MICAL2: variants seen among roughly 807,000 people sequenced by gnomAD.
MICAL2 encodes [F-actin]-monooxygenase MICAL2.
Under a neutral mutation model 127.3 loss-of-function variants are expected in MICAL2, and 77 were observed. The observed-to-expected ratio is 0.60, with a 90% CI of 0.50 to 0.73. The LOEUF is 0.73. Ranked by LOEUF, MICAL2 falls within the 30% of genes least tolerant of loss-of-function variation. The probability of loss-of-function intolerance (pLI) is 0.00; values close to 1 mark genes in which losing one functional copy is unlikely to be tolerated. For missense variants in MICAL2, 1,351 were observed against 1,434.4 expected (o/e 0.94, Z 0.94); for synonymous variants, 570 against 551.1 (o/e 1.03, Z -0.48).
rs1305237053 is a variant in MICAL2, at chr11:12,162,209, C to A, written c.54C>A (p.Asn18Lys). The stretch of plus-strand genomic sequence containing the variant: ...CCCAGGCGGGGCAGGTTTTTGAGAA[C>A]TTTGTCCAGGCATCCACGTGCAAAG... ...KQAQAGQVFENFVQASTCKGT... is the reference protein window; with the variant it reads ...KQAQAGQVFEKFVQASTCKGT... The change falls in exon 3 of 28, where the codon AAC becomes AAA. Residue 18 changes from asparagine (N) to lysine (K), a missense_variant. By Grantham distance (94) the Asn-to-Lys change is moderately conservative. This residue lies in a region of MICAL2 where 599 missense variants were observed against 714.9 expected (regional missense o/e 0.84). Transcript: ENST00000683283. 1 of 1,614,084 alleles carries A rather than the reference C, an allele frequency of 6.2e-7. No homozygotes were observed. The highest frequency in any genetic ancestry group is 8.5e-7 in the Non-Finnish European group (1 of 1,180,054).
At chr11:12,172,718 G>T (rs1416763879) in intron 3 of MICAL2, among the ~76,000 whole-genome samples, 1 of 152,078 alleles carries the variant, frequency 6.6e-6, no homozygotes, top group South Asian at 2.1e-4. Context: ...ACTGAGAGAG[G>T]CTCCTATTAA....
At chr11:12,260,632 T>G in intron 26 of MICAL2, 1 of 987,030 alleles carries the variant, frequency 1.0e-6, no homozygotes, top group East Asian at 1.1e-4. Context: ...GCCTTTTGAC[T>G]TAGGTACCCA....
At chr11:12,259,423 A>G (rs1288617202) in intron 25 of MICAL2, among the ~76,000 whole-genome samples, 1 of 152,242 alleles carries the variant, frequency 6.6e-6, no homozygotes, top group Non-Finnish European at 1.5e-5. Flanking sequence ...TCAATAATTT[A>G]CTTCACCACT....
At chr11:12,270,903 G>A (rs1863667042) in intron 24 of MICAL2, among the ~76,000 whole-genome samples, 1 of 152,212 alleles carries the variant, frequency 6.6e-6, no homozygotes, top group Non-Finnish European at 1.5e-5. Flanking sequence ...TCAGACTTGA[G>A]TAGAAAGCAG....
At chr11:12,281,200 T>G in intron 2 of MICAL2, 1 of 398,066 alleles carries the variant, frequency 2.5e-6, no homozygotes, top group East Asian at 3.6e-5. Flanking sequence ...ACAGGAAGCC[T>G]CGCCCTCAGG....
At chr11:12,258,374 C>A in intron 24 of MICAL2, 94 bp from the exon 25 acceptor site, 2 of 936,512 alleles carry the variant, frequency 2.1e-6, no homozygotes, top group Non-Finnish European at 3.5e-6. Context: ...TTACTATTTT[C>A]TGACTTGGAC....
At chr11:12,142,265 G>T (rs912343691) in intron 2 of MICAL2, among the ~76,000 whole-genome samples, 1 of 152,206 alleles carries the variant, frequency 6.6e-6, no homozygotes, top group Non-Finnish European at 1.5e-5. Flanking sequence ...AGAGGTTGAG[G>T]CTTCTTATGT....
chr11:12,238,196 T>C (rs1859355023), intron 16 of MICAL2, among the ~76,000 whole-genome samples: 1 of 152,218 alleles, frequency 6.6e-6, no homozygotes, highest in Non-Finnish European at 1.5e-5. Flanking sequence ...TGAGGGACAT[T>C]CCTGGTGTCC....
chr11:12,157,720 G>A (rs1194936261), intron 2 of MICAL2, among the ~76,000 whole-genome samples: 4 of 151,792 alleles, frequency 2.6e-5, no homozygotes, highest in Non-Finnish European at 4.4e-5. Flanking sequence ...TCCTGACTAC[G>A]TTCTTTTGGG....
intron 33 of MICAL2, among the ~76,000 whole-genome samples, chr11:12,352,276 T>C (rs963770264): frequency 2.0e-5 from 3 of 152,252 alleles, no homozygotes; most frequent in Admixed American, 2.0e-4. Context: ...GCACATTCTG[T>C]GCACCAGGGA....
chr11:12,119,117 C>T (rs1850291955), intron 1 of MICAL2, among the ~76,000 whole-genome samples: 1 of 152,164 alleles, frequency 6.6e-6, no homozygotes, highest in African/African-American at 2.4e-5. Flanking sequence ...CCCTTGACCC[C>T]TGAACCCTCT....
intron 32 of MICAL2, among the ~76,000 whole-genome samples, chr11:12,343,948 G>A (rs1938911426): frequency 6.6e-6 from 1 of 152,186 alleles, no homozygotes; most frequent in Admixed American, 6.5e-5. Context: ...ACAGTGTCTT[G>A]GATGTAGCAT....
intron 29 of MICAL2, among the ~76,000 whole-genome samples, chr11:12,316,146 A>C (rs942008195): frequency 3.9e-5 from 6 of 151,970 alleles, no homozygotes; most frequent in African/African-American, 1.4e-4. Context: ...TTTACTTTTA[A>C]TTTCTCTTTA....
intron 3 of MICAL2, among the ~76,000 whole-genome samples, chr11:12,199,957 C>T (rs748775804): frequency 2.6e-5 from 4 of 152,176 alleles, no homozygotes; most frequent in Admixed American, 1.3e-4. Flanking sequence ...GACCCTGGCT[C>T]CCCAAGTCTG....
intron 3 of MICAL2, among the ~76,000 whole-genome samples, chr11:12,181,024 A>T (rs981121316): frequency 7.4e-6 from 1 of 135,844 alleles, no homozygotes; most frequent in African/African-American, 2.7e-5. Flanking sequence ...GCCCCGCCAC[A>T]CCCCACCCCT....
chr11:12,220,329 C>A lies in MICAL2; in HGVS notation c.1077C>A (p.Asn359Lys). Residue 359 changes from asparagine to lysine, a missense_variant, in exon 9 of 28, where the codon AAC becomes AAA. By Grantham distance (94) the Asn-to-Lys change is moderately conservative. Coordinates refer to ENST00000683283, the MANE Select transcript of MICAL2 (RefSeq NM_001282663.2). The part of the protein sequence containing the change: ...YQLPSLDFAM[N>K]HYGQPDVAMF... The stretch of plus-strand genomic sequence containing the variant: ...TGCCATCCTTAGACTTTGCCATGAA[C>A]CACTATGGGCAGCCTGATGTGGCCA... 1 of 1,614,256 alleles carries A rather than the reference C, an allele frequency of 6.2e-7. No individual in the cohort carries two copies. Among genetic ancestry groups the A allele is most frequent in the Non-Finnish European group, 8.5e-7 (1 of 1,180,050 alleles).
intron 2 of MICAL2, among the ~76,000 whole-genome samples, chr11:12,139,597 G>T (rs1048210477): frequency 2.6e-5 from 4 of 152,218 alleles, no homozygotes; most frequent in African/African-American, 9.6e-5. Flanking sequence ...GTCCTGAATG[G>T]CAGGATGACA....
At chr11:12,250,475 G>C (rs997314695) in intron 22 of MICAL2, among the ~76,000 whole-genome samples, 4 of 152,204 alleles carry the variant, frequency 2.6e-5, no homozygotes, top group Admixed American at 2.6e-4. Context: ...GCCCTGCAAG[G>C]TTGGTGGAAG....
intron 2 of MICAL2, among the ~76,000 whole-genome samples, chr11:12,285,619 CA>C (rs1447583122): frequency 1.3e-5 from 2 of 152,198 alleles, no homozygotes; most frequent in Non-Finnish European, 2.9e-5. Flanking sequence ...ATAATTTTTG[CA>C]AAGGCATTTT....
Sources: gnomAD v4.1 joint callset for allele counts (sites outside exome capture counted in the v4.1 genomes callset) on GRCh38, gnomAD v4.1.1 for gene constraint, gnomAD v4.1.1 regional missense constraint, MANE v1.5 for transcripts, NCBI Gene and HGNC (gene_info 2026-07-23, HGNC 2026-07-21) for gene names.